Variants in SCN7A observed in about 807,000 individuals in gnomAD.
SCN7A encodes sodium channel protein type 7 subunit alpha.
A neutral mutation model predicts 155.2 loss-of-function variants in SCN7A; 138 were observed. The observed-to-expected ratio is 0.89, with a 90% CI of 0.77 to 1.02. The LOEUF is 1.02. Ranked by LOEUF, SCN7A falls within the 50% of genes least tolerant of loss-of-function variation. The pLI, the probability that SCN7A is intolerant of heterozygous loss-of-function variation, is 0.00. For missense variants in SCN7A, 2,058 were observed against 1,986.6 expected, an observed-to-expected ratio of 1.04 and a Z score of -0.68; for synonymous variants, 693 against 649.0, an observed-to-expected ratio of 1.07 and a Z score of -1.03.
chr2:166,414,319 T>TATATACACAC (rs1701309871), intron 21 of SCN7A, among the ~76,000 whole-genome samples: 1 of 104,620 alleles, frequency 9.6e-6, no homozygotes, highest in African/African-American at 4.2e-5. Flanking sequence ...TATACACATA[T>TATATACACAC]ATATATATAT....
At position 166,406,126 on chromosome 2, in the gene SCN7A, A is replaced by G. The variant is rs755338123; in HGVS notation, c.4503T>C (p.Ile1501=). ...YIVVVMEFLN[I]ASKKKNKTLS... is the part of the protein sequence containing the mutation. ...AGGTCTTGTTTTTCTTCTTAGAAGC[A>G]ATATTTAAAAACTCCATGACAACAA... Residue 1501 remains isoleucine (I), a synonymous_variant, in exon 26 of 26, where the codon ATT becomes ATC. Coordinates refer to ENST00000643258, the MANE Select transcript of SCN7A (RefSeq NM_002976.4). 2 of 1,611,754 alleles carry G rather than the reference A, an allele frequency of 1.2e-6. No individual in the cohort carries two copies. Among genetic ancestry groups the G allele is most frequent in the Admixed American group, 3.4e-5 (2 of 59,576 alleles).
chr2:166,466,133 A>T (rs1702530202), intron 7 of SCN7A, 146 bp from the exon 8 acceptor site: 1 of 617,906 alleles, frequency 1.6e-6, no homozygotes, highest in African/African-American at 1.8e-5. Flanking sequence ...CCTCATAAAT[A>T]AAGTGAATAC....
chr2:166,453,892 A>G (rs963204877), intron 11 of SCN7A, among the ~76,000 whole-genome samples: 1 of 152,190 alleles, frequency 6.6e-6, no homozygotes, highest in Non-Finnish European at 1.5e-5. Context: ...TTATAAATAA[A>G]AGAGGAAAAT....
intron 2 of SCN7A, among the ~76,000 whole-genome samples, chr2:166,485,610 AGAAAGG>A (rs1703029440): frequency 6.6e-6 from 1 of 152,162 alleles, no homozygotes; most frequent in African/African-American, 2.4e-5. Flanking sequence ...TAAAGGCAAT[AGAAAGG>A]GAGGTTTCTA....
Position 166,421,297 on chromosome 2 carries a change from C to T in SCN7A, c.3028G>A (p.Val1010Met). 1 of 1,465,470 alleles carries T rather than the reference C, an allele frequency of 6.8e-7. No homozygotes were observed. The highest frequency in any genetic ancestry group is 2.7e-5 in the Admixed American group (1 of 37,278). 90.8% of individuals were successfully genotyped at this position (1,465,470 alleles called of 1,614,324 possible). A position where few individuals can be genotyped will look rare whatever the true frequency, so the allele number is the denominator to read the frequency against. The change falls in exon 20 of 26, where the codon GTG becomes ATG. Residue 1010 changes from valine (V) to methionine (M), a missense_variant and splice_region_variant. Physicochemically the swap from Val to Met is conservative, Grantham distance 21. Transcript: ENST00000643258. ...WYRLDFVVVI[V>M]FCLSLIGKTR... The stretch of plus-strand genomic sequence containing the variant: ...TTGCCTATTAAGCTAAGACAAAACA[C>T]CTATATATTTTTTTTAAAAAAAGAG...
At chr2:166,489,431 GTGTA>G (rs1400334602) in intron 1 of SCN7A, among the ~76,000 whole-genome samples, 4 of 152,178 alleles carry the variant, frequency 2.6e-5, no homozygotes, top group Non-Finnish European at 5.9e-5. Context: ...AACGCACCAT[GTGTA>G]TGTATTACCA....
chr2:166,467,373 T>C (rs979985205), intron 7 of SCN7A, among the ~76,000 whole-genome samples: 1 of 151,740 alleles, frequency 6.6e-6, no homozygotes, highest in Non-Finnish European at 1.5e-5. Flanking sequence ...CCTTAGTATA[T>C]CTTTATACTG....
At chr2:166,467,656 A>G (rs1702566276) in intron 7 of SCN7A, among the ~76,000 whole-genome samples, 1 of 151,578 alleles carries the variant, frequency 6.6e-6, no homozygotes. Context: ...TTTCATTAGT[A>G]TATACTAATT....
intron 6 of SCN7A, among the ~76,000 whole-genome samples, chr2:166,471,796 C>T (rs1419719768): frequency 2.6e-5 from 4 of 151,178 alleles, no homozygotes; most frequent in Admixed American, 6.6e-5. Context: ...TGCAATGTAG[C>T]TACATGCAAC....
intron 7 of SCN7A, among the ~76,000 whole-genome samples, chr2:166,469,419 T>C (rs752697641): frequency 6.6e-6 from 1 of 151,916 alleles, no homozygotes; most frequent in Non-Finnish European, 1.5e-5. Flanking sequence ...TAATTTATTA[T>C]GTATGCTTCT....
rs536871893 is a variant in SCN7A at position 166,416,612 on chromosome 2, C to T, written c.3414+95G>A. 3.3e-5 allele frequency: 36 copies of T among 1,095,264 alleles called. No individual in the cohort carries two copies. In the African/African-American group the frequency reaches 5.0e-4, roughly 15 times the overall value. The allele number at this position is 1,095,264 out of a possible 1,614,324, so 67.8% of individuals were successfully genotyped here. The stretch of plus-strand genomic sequence containing the variant: ...TACTAATTGCTAAAATATTTTATAA[C>T]CAAATGTATTAATCGCCCACATTTT... On this transcript the variant is annotated intron_variant, in intron 21 of 25. Transcript: ENST00000643258.
At chr2:166,442,704 T>C (rs1447849882) in intron 14 of SCN7A, among the ~76,000 whole-genome samples, 1 of 152,194 alleles carries the variant, frequency 6.6e-6, no homozygotes, top group Non-Finnish European at 1.5e-5. Flanking sequence ...AAATTAATCA[T>C]CTTAAATTCA....
chr2:166,435,712 T>C (rs1701825085), intron 15 of SCN7A, among the ~76,000 whole-genome samples: 1 of 152,154 alleles, frequency 6.6e-6, no homozygotes, highest in Non-Finnish European at 1.5e-5. Context: ...TATACAAATA[T>C]ATATGGAATA....
intron 1 of SCN7A, among the ~76,000 whole-genome samples, chr2:166,488,601 GT>G (rs1024132461): frequency 6.6e-6 from 1 of 150,802 alleles, no homozygotes; most frequent in African/African-American, 2.4e-5. Context: ...ACTTAGTGCA[GT>G]TTTTTAAAAA....
intron 15 of SCN7A, chr2:166,436,556 G>A: frequency 5.1e-6 from 1 of 197,900 alleles, no homozygotes; most frequent in South Asian, 5.9e-5. Flanking sequence ...TGCAGAGAAT[G>A]GGGCACTGCT....
At chr2:166,451,133 G>T (rs1286120625) in intron 11 of SCN7A, among the ~76,000 whole-genome samples, 3 of 152,136 alleles carry the variant, frequency 2.0e-5, no homozygotes, top group Non-Finnish European at 4.4e-5. Flanking sequence ...ATTCAGTAAA[G>T]ATAACTGTCC....
intron 10 of SCN7A, among the ~76,000 whole-genome samples, chr2:166,459,090 A>G (rs1702346789): frequency 6.6e-6 from 1 of 152,180 alleles, no homozygotes; most frequent in African/African-American, 2.4e-5. Flanking sequence ...TGAATACTGA[A>G]GGATAACTAT....
intron 11 of SCN7A, among the ~76,000 whole-genome samples, chr2:166,455,468 T>TCA (rs1208992620): frequency 6.6e-6 from 1 of 152,106 alleles, no homozygotes; most frequent in Non-Finnish European, 1.5e-5. Flanking sequence ...CTGCATGTTC[T>TCA]CAGTTACTAA....
chr2:166,406,581 G>A lies in SCN7A; in HGVS notation c.4048C>T (p.Leu1350Phe). The change falls in exon 26 of 26, where the codon CTC becomes TTC. Residue 1350 changes from leucine to phenylalanine, a missense_variant. Physicochemically the swap from Leu to Phe is conservative, Grantham distance 22. Transcript: ENST00000643258. ...CGCAGCATGTGAATGATCCGTGAGA[G>A]AAGTATCAGTTGCACAAGTGAAGGA... The part of the protein sequence containing the change: ...VPPSLVQLIL[L>F]SRIIHMLRLG... 6.2e-7 allele frequency: 1 copy of A among 1,612,594 alleles called. No individual in the cohort carries two copies. Among genetic ancestry groups the A allele is most frequent in the Admixed American group, 1.7e-5 (1 of 59,860 alleles).
Sources: allele counts gnomAD v4.1 joint callset (sites outside exome capture counted in the v4.1 genomes callset), GRCh38; gene constraint gnomAD v4.1.1; transcripts MANE v1.5; gene names NCBI Gene and HGNC (gene_info 2026-07-23, HGNC 2026-07-21).